Variants in IFT80 observed in about 807,000 individuals in gnomAD.
The protein encoded by IFT80 is intraflagellar transport 80, also known as intraflagellar transport protein 80 homolog.
IFT80 carries 79 observed loss-of-function variants against 107.9 expected under a neutral mutation model. The ratio of observed to expected loss-of-function variants is 0.73; its 90% confidence interval spans 0.61 to 0.88. IFT80 has a LOEUF of 0.88. Among genes scored for constraint, IFT80 ranks in the 40% least tolerant of loss-of-function variants. The pLI is 0.00. For synonymous variants in IFT80, 299 were observed against 300.9 expected, an observed-to-expected ratio of 0.99 and a Z score of 0.07; for missense variants, 797 against 914.2, an observed-to-expected ratio of 0.87 and a Z score of 1.65.
At chr3:160,313,104 T>A (rs1717537764) in intron 9 of IFT80, among the ~76,000 whole-genome samples, 1 of 115,906 alleles carries the variant, frequency 8.6e-6, no homozygotes, top group African/African-American at 3.3e-5. Context: ...TATATATATT[T>A]TTTATATATA....
Position 160,258,367 on chromosome 3 carries a change from G to A in IFT80, c.*158C>T. 2.3e-6 allele frequency: 2 copies of A among 863,228 alleles called. No homozygotes were observed. Among genetic ancestry groups the A allele is most frequent in the Non-Finnish European group, 3.6e-6 (2 of 561,584 alleles). 53.5% of individuals were successfully genotyped at this position (863,228 alleles called of 1,614,324 possible). On this transcript the variant is annotated 3_prime_UTR_variant, in exon 20 of 20. Transcript: ENST00000326448. Reference sequence around the variant, plus strand: ...GATAGAAATACATCAATTACTTTGTGTTTCATCTTTCTGCATGTACTTTTA... The same window carrying A: ...GATAGAAATACATCAATTACTTTGTATTTCATCTTTCTGCATGTACTTTTA...
At position 160,282,594 on chromosome 3, in the gene IFT80, G is replaced by A. The variant is rs1468142563; in HGVS notation, c.1400C>T (p.Ala467Val). The change falls in exon 14 of 20, where the codon GCT (alanine) becomes GTT (valine). Residue 467 changes from alanine (A) to valine (V), a missense_variant. Physicochemically the swap from Ala to Val is moderately conservative, Grantham distance 64 (BLOSUM62 0). Transcript: ENST00000326448. ...LSHKNEILEI[A>V]LDQKGLTNDR... The stretch of plus-strand genomic sequence containing the variant: ...ATTGGTAAGTCCTTTTTGATCCAGA[G>A]CAATTTCCAAGATTTCATTCTAAAA... The A allele has an allele frequency of 5.7e-6, 9 of 1,586,258 alleles. No individual in the cohort carries two copies. The highest frequency in any genetic ancestry group is 7.8e-6 in the Non-Finnish European group (9 of 1,158,006).
chr3:160,358,776 A>G (rs373879132), intron 6 of IFT80, among the ~76,000 whole-genome samples: 2 of 152,330 alleles, frequency 1.3e-5, no homozygotes, highest in East Asian at 3.9e-4. Flanking sequence ...TATATTACAA[A>G]TATTTGCATA....
intron 4 of IFT80, 95 bp from the exon 5 acceptor site, chr3:160,375,975 A>G: frequency 1.3e-6 from 1 of 778,180 alleles, no homozygotes; most frequent in South Asian, 1.6e-5. Flanking sequence ...TATCTACCGC[A>G]TATTCTTTTT....
At chr3:160,327,771 C>T (rs768156924) in intron 8 of IFT80, among the ~76,000 whole-genome samples, 2 of 151,936 alleles carry the variant, frequency 1.3e-5, no homozygotes, top group Admixed American at 1.3e-4. Flanking sequence ...TCAGGACATA[C>T]GCATAGGTAC....
chr3:160,338,260 A>G (rs1719638683), intron 8 of IFT80, among the ~76,000 whole-genome samples: 2 of 152,188 alleles, frequency 1.3e-5, no homozygotes, highest in African/African-American at 4.8e-5. Context: ...CTGGACTTCC[A>G]TATCAGTGAC....
intron 9 of IFT80, among the ~76,000 whole-genome samples, chr3:160,313,406 TA>T (rs1717559337): frequency 6.6e-6 from 1 of 151,888 alleles, no homozygotes; most frequent in Admixed American, 6.6e-5. Flanking sequence ...CTAACATTAT[TA>T]AAATTATAGA....
At chr3:160,310,533 C>T (rs966296921) in intron 9 of IFT80, among the ~76,000 whole-genome samples, 1 of 152,112 alleles carries the variant, frequency 6.6e-6, no homozygotes, top group Non-Finnish European at 1.5e-5. Flanking sequence ...AGAATTCTAG[C>T]TAATAAATGT....
intron 8 of IFT80, among the ~76,000 whole-genome samples, chr3:160,346,493 C>T (rs554940458): frequency 6.6e-6 from 1 of 152,154 alleles, no homozygotes; most frequent in South Asian, 2.1e-4. Flanking sequence ...GTGAATGGGC[C>T]GTAATTTCCT....
rs138017454 is a variant in IFT80, at chr3:160,290,332, T to C, written c.1316-4464A>G. Among the ~76,000 whole-genome samples, 601 of 148,720 alleles carry C rather than the reference T, an allele frequency of 4.0e-3. 1 individual carries two copies. The highest frequency in any genetic ancestry group is 0.024 in the East Asian group (121 of 4,996). ...CTGAAGCAGGAGAATCACTTGAACCTGGGAGGAGGAGGTTGCAGTGAGCCA... is the reference window on the plus strand; with the variant it reads ...CTGAAGCAGGAGAATCACTTGAACCCGGGAGGAGGAGGTTGCAGTGAGCCA... On this transcript the variant is annotated intron_variant, in intron 12 of 19. Coordinates refer to ENST00000326448, the MANE Select transcript of IFT80 (RefSeq NM_020800.3).
At chr3:160,319,995 G>A in intron 8 of IFT80, 56 bp from the exon 9 acceptor site, 1 of 1,322,514 alleles carries the variant, frequency 7.6e-7, no homozygotes, top group Non-Finnish European at 1.1e-6. Context: ...TTTTTAGGAA[G>A]TTTTAAATCA....
At chr3:160,355,747 C>T (rs1449700911) in intron 8 of IFT80, among the ~76,000 whole-genome samples, 1 of 151,996 alleles carries the variant, frequency 6.6e-6, no homozygotes, top group Non-Finnish European at 1.5e-5. Flanking sequence ...AATTTTAATA[C>T]TTTAACTACT....
At chr3:160,293,063 G>A (rs1168896847) in intron 12 of IFT80, among the ~76,000 whole-genome samples, 1 of 152,174 alleles carries the variant, frequency 6.6e-6, no homozygotes, top group Non-Finnish European at 1.5e-5. Context: ...CAAATGGATA[G>A]GAGAAATAAT....
chr3:160,299,492 C>A (rs1015145119), intron 12 of IFT80, among the ~76,000 whole-genome samples: 10 of 152,092 alleles, frequency 6.6e-5, no homozygotes, highest in African/African-American at 2.2e-4. Flanking sequence ...CAGAGAGAAA[C>A]AGTTATTTAA....
intron 1 of IFT80, among the ~76,000 whole-genome samples, chr3:160,390,098 C>T (rs889279234): frequency 1.4e-4 from 21 of 152,110 alleles, no homozygotes; most frequent in African/African-American, 5.1e-4. Flanking sequence ...GGCAAAATAG[C>T]TTCTACTTGA....
chr3:160,268,487 C>T lies in IFT80; in HGVS notation c.2149G>A (p.Ala717Thr), dbSNP rs370294182. The T allele has an allele frequency of 1.7e-5, 27 of 1,613,084 alleles. No individual in the cohort carries two copies. Among genetic ancestry groups the T allele is most frequent in the Middle Eastern group, 1.7e-4 (1 of 6,060 alleles). ...KYKTHVDTVL[A>T]YRQKFLETFG... The stretch of plus-strand genomic sequence containing the variant: ...GTCTCCAAAAACTTTTGACGGTAAG[C>T]AAGAACTGTATCAACATGTGTTTTG... The change falls in exon 19 of 20, where the codon GCT (alanine) becomes ACT (threonine). Residue 717 changes from alanine to threonine, a missense_variant. Physicochemically the swap from Ala to Thr is moderately conservative, Grantham distance 58. Coordinates refer to ENST00000326448, the MANE Select transcript of IFT80 (RefSeq NM_020800.3).
rs1026071746 is a variant in IFT80, at chr3:160,356,150, C to T, written c.640G>A (p.Val214Ile). The change falls in exon 8 of 20, where the codon GTA becomes ATA. Residue 214 changes from valine to isoleucine, a missense_variant and splice_region_variant. Coordinates refer to ENST00000326448, the MANE Select transcript of IFT80 (RefSeq NM_020800.3). ...AGTGGGCGGCCGTAACTATCCCATA[C>T]CTACAAAAGCAATTTTTAAAAATCT... is the stretch of plus-strand genomic sequence containing the variant. ...LSAGEDCKYK[V>I]WDSYGRPLYN... The T allele has an allele frequency of 1.9e-6, 3 of 1,611,490 alleles. No homozygotes were observed. The highest frequency in any genetic ancestry group is 1.1e-5 in the South Asian group (1 of 90,458).
At chr3:160,381,241 T>TATATAC (rs1322995520) in intron 3 of IFT80, among the ~76,000 whole-genome samples, 2 of 128,070 alleles carry the variant, frequency 1.6e-5, no homozygotes, top group African/African-American at 5.5e-5. Context: ...CATCTCTAAA[T>TATATAC]ATATATATAT....
chr3:160,259,086 T>G (rs2108191125), intron 19 of IFT80, among the ~76,000 whole-genome samples: 1 of 152,158 alleles, frequency 6.6e-6, no homozygotes, highest in Non-Finnish European at 1.5e-5. Context: ...CCAGCCTGGG[T>G]GACAGAGCAA....
Sources: allele counts gnomAD v4.1 joint callset (sites outside exome capture counted in the v4.1 genomes callset), GRCh38; gene constraint gnomAD v4.1.1; transcripts MANE v1.5; gene names NCBI Gene and HGNC (gene_info 2026-07-23, HGNC 2026-07-21).